The following CCDC69 variants were observed in gnomAD, a reference collection of about 807,000 sequenced individuals.
CCDC69 encodes the protein coiled-coil domain-containing protein 69.
A neutral mutation model predicts 40.3 loss-of-function variants in CCDC69; 38 were observed. The observed-to-expected ratio is 0.94, with a 90% CI of 0.73 to 1.24. The LOEUF (loss-of-function observed/expected upper bound fraction) is 1.24, where lower values mean the gene tolerates loss of function less well. Ranked by LOEUF, CCDC69 falls within the 50% of genes most tolerant of loss-of-function variation. The probability of loss-of-function intolerance (pLI) is 0.00; values close to 1 mark genes in which losing one functional copy is unlikely to be tolerated. For synonymous variants in CCDC69, 141 were observed against 138.9 expected, an observed-to-expected ratio of 1.02 and a Z score of -0.11; for missense variants, 389 against 357.9, an observed-to-expected ratio of 1.09 and a Z score of -0.70.
chr5:151,199,634 T>A (rs1454197791), intron 3 of CCDC69, among the ~76,000 whole-genome samples: 1 of 152,100 alleles, frequency 6.6e-6, no homozygotes, highest in Non-Finnish European at 1.5e-5. Context: ...ATGGGGCATA[T>A]CCAGAGGCAA....
At chr5:151,213,518 C>T (rs548556200) in intron 1 of CCDC69, among the ~76,000 whole-genome samples, 1 of 152,076 alleles carries the variant, frequency 6.6e-6, no homozygotes, top group Non-Finnish European at 1.5e-5. Flanking sequence ...TCCCAAAGTG[C>T]TGGGATTATA....
At chr5:151,189,026 C>T (rs191511963) in intron 4 of CCDC69, among the ~76,000 whole-genome samples, 1 of 152,262 alleles carries the variant, frequency 6.6e-6, no homozygotes, top group African/African-American at 2.4e-5. Flanking sequence ...AATTTCTCAG[C>T]ATACAATACA....
chr5:151,204,480 C>T (rs966076857), intron 2 of CCDC69, among the ~76,000 whole-genome samples: 2 of 152,190 alleles, frequency 1.3e-5, no homozygotes, highest in Non-Finnish European at 2.9e-5. Flanking sequence ...TACCAGGTAG[C>T]TCTGATGATT....
intron 4 of CCDC69, among the ~76,000 whole-genome samples, chr5:151,189,294 G>A (rs369693316): frequency 1.8e-4 from 28 of 152,154 alleles, no homozygotes; most frequent in African/African-American, 6.0e-4. Context: ...GAGTTATTAA[G>A]AAGAACCAAA....
intron 1 of CCDC69, among the ~76,000 whole-genome samples, chr5:151,215,347 T>G (rs1753021138): frequency 6.6e-6 from 1 of 152,214 alleles, no homozygotes. Context: ...TCCTTTTCTG[T>G]GCTTCTGTAC....
At chr5:151,201,990 A>T (rs1561601835) in intron 2 of CCDC69, among the ~76,000 whole-genome samples, 3 of 151,796 alleles carry the variant, frequency 2.0e-5, no homozygotes, top group Non-Finnish European at 4.4e-5. Flanking sequence ...GGACTTGGAG[A>T]TCCTCTTTCA....
intron 4 of CCDC69, among the ~76,000 whole-genome samples, chr5:151,196,780 T>G (rs755603318): frequency 2.0e-5 from 3 of 152,166 alleles, no homozygotes; most frequent in Non-Finnish European, 4.4e-5. Flanking sequence ...GATGGGAACA[T>G]AAAGTGGTAC....
At chr5:151,205,371 T>C (rs1483864452) in intron 2 of CCDC69, 29 bp downstream of exon 2, 7 of 1,562,960 alleles carry the variant, frequency 4.5e-6, no homozygotes, top group Admixed American at 1.7e-5. Context: ...CAGATGGCAG[T>C]TGGGGCCTTT....
intron 1 of CCDC69, among the ~76,000 whole-genome samples, chr5:151,222,411 C>T (rs1753146941): frequency 6.6e-6 from 1 of 152,212 alleles, no homozygotes; most frequent in Non-Finnish European, 1.5e-5. Context: ...TCAGGCTCTT[C>T]CCCGTTTCCT....
intron 1 of CCDC69, among the ~76,000 whole-genome samples, chr5:151,218,508 G>A (rs1000405344): frequency 6.6e-6 from 1 of 152,160 alleles, no homozygotes; most frequent in African/African-American, 2.4e-5. Context: ...TACACTCTTC[G>A]AGTTTATTTT....
intron 4 of CCDC69, among the ~76,000 whole-genome samples, chr5:151,190,731 C>T (rs1444184466): frequency 2.2e-5 from 3 of 137,172 alleles, no homozygotes; most frequent in African/African-American, 8.2e-5. Flanking sequence ...CTTAGAGTAA[C>T]CATTAAAAAA....
At chr5:151,206,919 C>T (rs1027668547) in intron 1 of CCDC69, among the ~76,000 whole-genome samples, 6 of 146,384 alleles carry the variant, frequency 4.1e-5, no homozygotes, top group South Asian at 2.2e-4. Flanking sequence ...TGTGAGCCAC[C>T]GCACTCGACC....
Position 151,186,515 on chromosome 5 carries a change from T to G in CCDC69, c.394-391A>C, listed in dbSNP as rs780743324. ...GAACATACCAACCCCACCTCTTGCT[T>G]TAATGCCTTTAACGGCTCCCCATAC... On this transcript the variant is annotated intron_variant, in intron 5 of 8. Transcript: ENST00000355417. Among the ~76,000 whole-genome samples the G allele has an allele frequency of 2.6e-5, 4 of 151,828 alleles. No homozygotes were observed. In the East Asian group the frequency reaches 7.7e-4, roughly 29 times the overall value.
intron 2 of CCDC69, among the ~76,000 whole-genome samples, chr5:151,202,654 G>A (rs1472360903): frequency 6.6e-6 from 1 of 152,174 alleles, no homozygotes; most frequent in Non-Finnish European, 1.5e-5. Flanking sequence ...TGAGTTTGTG[G>A]CCCCTCACCT....
chr5:151,216,367 A>C (rs956239944), intron 1 of CCDC69, among the ~76,000 whole-genome samples: 3 of 151,174 alleles, frequency 2.0e-5, no homozygotes, highest in African/African-American at 7.2e-5. Flanking sequence ...TGGTCAAGGA[A>C]GGGTAGCTTC....
At chr5:151,212,019 G>GT (rs1042346741) in intron 1 of CCDC69, 15 of 150,884 alleles carry the variant, frequency 9.9e-5, no homozygotes, top group African/African-American at 3.2e-4. Flanking sequence ...GGTGGTGGTG[G>GT]GGGGGGGAGT....
intron 6 of CCDC69, 86 bp from the exon 7 acceptor site, chr5:151,185,627 C>T: frequency 7.2e-7 from 1 of 1,397,236 alleles, no homozygotes; most frequent in Non-Finnish European, 1.0e-6. Context: ...TGGACTTTCA[C>T]AAGTCACCCA....
intron 4 of CCDC69, among the ~76,000 whole-genome samples, chr5:151,197,081 C>T (rs1752710135): frequency 6.6e-6 from 1 of 152,206 alleles, no homozygotes; most frequent in Non-Finnish European, 1.5e-5. Flanking sequence ...GCCCTGGAAA[C>T]ATTTCAAGGT....
At chr5:151,198,292 A>ATCTG (rs1442073701) in intron 4 of CCDC69, among the ~76,000 whole-genome samples, 16 of 25,304 alleles carry the variant, frequency 6.3e-4, no homozygotes, top group Admixed American at 1.7e-3. Context: ...AATGAGATTG[A>ATCTG]TCTATCTATC....
Sources: gnomAD v4.1 joint callset for allele counts (sites outside exome capture counted in the v4.1 genomes callset) on GRCh38, gnomAD v4.1.1 for gene constraint, MANE v1.5 for transcripts, NCBI Gene and HGNC (gene_info 2026-07-23, HGNC 2026-07-21) for gene names.